WWOX: variants seen among roughly 807,000 people sequenced by gnomAD.
WWOX encodes the protein WW domain containing oxidoreductase.
A neutral mutation model predicts 46.2 loss-of-function variants in WWOX; 69 were observed. The ratio of observed to expected loss-of-function variants is 1.49; its 90% CI spans 1.23 to 1.82. The LOEUF (loss-of-function observed/expected upper bound fraction) is 1.82, where lower values mean the gene tolerates loss of function less well. Ranked by LOEUF, WWOX falls within the 40% of genes most tolerant of loss-of-function variation. The pLI, the probability that WWOX is intolerant of heterozygous loss-of-function variation, is 0.00. For synonymous variants in WWOX, 359 were observed against 202.6 expected (o/e 1.77, Z -6.56); for missense variants, 919 against 542.6 (o/e 1.69, Z -6.89).
At chr16:78,887,602 C>G (rs2044495095) in intron 8 of WWOX, among the ~76,000 whole-genome samples, 1 of 151,758 alleles carries the variant, frequency 6.6e-6, no homozygotes, top group Non-Finnish European at 1.5e-5. Flanking sequence ...CTGAAAATGC[C>G]AAAATCCATC....
chr16:78,860,613 G>A (rs936033607), intron 8 of WWOX, among the ~76,000 whole-genome samples: 2 of 152,194 alleles, frequency 1.3e-5, no homozygotes, highest in African/African-American at 4.8e-5. Context: ...CGTGGAGAAG[G>A]TAAGGCAACA....
intron 8 of WWOX, among the ~76,000 whole-genome samples, chr16:78,856,348 G>A (rs1171371034): frequency 2.0e-5 from 3 of 152,174 alleles, no homozygotes; most frequent in Non-Finnish European, 4.4e-5. Context: ...CGAAGTAGAA[G>A]TTGAATAGAT....
At chr16:79,089,615 C>A (rs2048917162) in intron 8 of WWOX, among the ~76,000 whole-genome samples, 1 of 152,166 alleles carries the variant, frequency 6.6e-6, no homozygotes. Flanking sequence ...CAGGCATGAG[C>A]CACCACGCCC....
At chr16:78,912,368 C>T (rs962791838) in intron 8 of WWOX, among the ~76,000 whole-genome samples, 5 of 151,914 alleles carry the variant, frequency 3.3e-5, no homozygotes, top group African/African-American at 1.2e-4. Context: ...CTGTCATCTG[C>T]ATTTTGCACA....
chr16:78,474,368 C>G (rs542083879), intron 8 of WWOX, among the ~76,000 whole-genome samples: 26 of 152,272 alleles, frequency 1.7e-4, no homozygotes, highest in African/African-American at 5.8e-4. Context: ...ACATCTTACC[C>G]CGATGCACTC....
At chr16:78,807,643 T>C (rs2051077592) in intron 8 of WWOX, among the ~76,000 whole-genome samples, 1 of 152,318 alleles carries the variant, frequency 6.6e-6, no homozygotes, top group African/African-American at 2.4e-5. Context: ...GAAAGAAATA[T>C]TCTCTTAGAT....
intron 8 of WWOX, among the ~76,000 whole-genome samples, chr16:78,854,905 G>A (rs1347855608): frequency 1.1e-5 from 1 of 94,008 alleles, no homozygotes; most frequent in African/African-American, 3.9e-5. Flanking sequence ...TTGAACAGCA[G>A]CTTTTTTTTT....
intron 8 of WWOX, among the ~76,000 whole-genome samples, chr16:79,011,643 C>A (rs144512729): frequency 0.016 from 2,496 of 151,768 alleles, 25 homozygotes; most frequent in Non-Finnish European, 0.026. Flanking sequence ...CTGTGATGTG[C>A]CACCATAGCC....
chr16:78,604,322 C>T (rs544475226), intron 8 of WWOX, among the ~76,000 whole-genome samples: 4 of 152,230 alleles, frequency 2.6e-5, no homozygotes, highest in South Asian at 2.1e-4. Context: ...TTAACCCTGA[C>T]TTCTCTAGCC....
At chr16:78,670,616 G>T (rs1029123974) in intron 8 of WWOX, among the ~76,000 whole-genome samples, 9 of 152,002 alleles carry the variant, frequency 5.9e-5, no homozygotes, top group Admixed American at 1.3e-4. Flanking sequence ...CCAAATTCGT[G>T]TCTATCTGGA....
intron 8 of WWOX, among the ~76,000 whole-genome samples, chr16:79,135,323 C>T (rs892588670): frequency 6.6e-6 from 1 of 152,066 alleles, no homozygotes; most frequent in African/African-American, 2.4e-5. Context: ...CTATACCTTT[C>T]CTTTTCCCAT....
chr16:78,967,322 C>T (rs1167664706), intron 8 of WWOX, among the ~76,000 whole-genome samples: 5 of 110,396 alleles, frequency 4.5e-5, no homozygotes, highest in African/African-American at 1.8e-4. Context: ...TTGAGACTCA[C>T]TCTGTCACCC....
intron 8 of WWOX, among the ~76,000 whole-genome samples, chr16:78,938,327 C>G (rs977614678): frequency 1.3e-5 from 2 of 152,206 alleles, no homozygotes; most frequent in African/African-American, 4.8e-5. Flanking sequence ...TCCTTCAGAG[C>G]TTGGCCTCCA....
chr16:78,473,963 G>A (rs113586597), intron 8 of WWOX, among the ~76,000 whole-genome samples: 10 of 152,162 alleles, frequency 6.6e-5, no homozygotes, highest in African/African-American at 9.7e-5. Context: ...AGGAACTTCT[G>A]TTCGAAATGA....
rs549041309 is a variant in WWOX at position 78,161,354 on chromosome 16, A to G, written c.410-2829A>G. Among the ~76,000 whole-genome samples the G allele has an allele frequency of 4.2e-4, 64 of 151,630 alleles. 1 individual carries two copies. Among genetic ancestry groups the G allele is most frequent in the African/African-American group, 1.4e-3 (60 of 41,390 alleles). On this transcript the variant is annotated intron_variant, in intron 4 of 8. Transcript: ENST00000566780. ...TATTGGCTTCCTGTTAAGTTATTCT[A>G]TATTCCTCTTTCCCTTATTTCTATC...
intron 8 of WWOX, among the ~76,000 whole-genome samples, chr16:78,612,991 G>A (rs576413121): frequency 6.6e-6 from 1 of 152,230 alleles, no homozygotes; most frequent in African/African-American, 2.4e-5. Flanking sequence ...GTGGATCTAT[G>A]ACCCTGTCCT....
chr16:78,428,096 C>G (rs915126500), intron 7 of WWOX, among the ~76,000 whole-genome samples: 2 of 152,128 alleles, frequency 1.3e-5, no homozygotes, highest in African/African-American at 2.4e-5. Context: ...AAGCAAAACC[C>G]CCACAGTATA....
At chr16:78,347,837 G>A (rs2081119094) in intron 5 of WWOX, among the ~76,000 whole-genome samples, 1 of 120,990 alleles carries the variant, frequency 8.3e-6, no homozygotes, top group African/African-American at 2.8e-5. Context: ...TTTTCTGGAA[G>A]GAATTCATTT....
At chr16:78,876,600 G>C (rs2044239331) in intron 8 of WWOX, among the ~76,000 whole-genome samples, 1 of 151,268 alleles carries the variant, frequency 6.6e-6, no homozygotes, top group African/African-American at 2.4e-5. Flanking sequence ...GACTTATTTT[G>C]CTTTGGATAA....
Sources: allele counts gnomAD v4.1 joint callset (sites outside exome capture counted in the v4.1 genomes callset), GRCh38; gene constraint gnomAD v4.1.1; transcripts MANE v1.5; gene names NCBI Gene and HGNC (gene_info 2026-07-23, HGNC 2026-07-21).